Variants in PCDHGA12 observed in about 807,000 individuals in gnomAD.
PCDHGA12 encodes the protein protocadherin gamma-A12.
PCDHGA12 carries 43 observed loss-of-function variants against 61.1 expected under a neutral mutation model. The observed-to-expected ratio is 0.70, with a 90% CI of 0.55 to 0.91. The LOEUF (loss-of-function observed/expected upper bound fraction) is 0.91. Among genes scored for constraint, PCDHGA12 ranks in the 40% least tolerant of loss-of-function variants. The pLI is 0.00. For synonymous variants in PCDHGA12, 520 were observed against 542.9 expected, an observed-to-expected ratio of 0.96 and a Z score of 0.59; for missense variants, 1,236 against 1,227.7, an observed-to-expected ratio of 1.01 and a Z score of -0.10.
chr5:141,463,142 C>T (rs1229364880), intron 1 of PCDHGA12, among the ~76,000 whole-genome samples: 1 of 152,160 alleles, frequency 6.6e-6, no homozygotes, highest in Non-Finnish European at 1.5e-5. Context: ...CTTCGCCCAG[C>T]TGCAGAAAAG....
Position 141,491,900 on chromosome 5 carries a change from G to A in PCDHGA12, c.2425-2907G>A, listed in dbSNP as rs1268804496. 7.0e-7 allele frequency: 1 copy of A among 1,429,818 alleles called. No individual in the cohort carries two copies. Among genetic ancestry groups the A allele is most frequent in the East Asian group, 2.5e-5 (1 of 39,444 alleles). The allele number at this position is 1,429,818 out of a possible 1,614,324, so 88.6% of individuals were successfully genotyped here. A position where few individuals can be genotyped will look rare whatever the true frequency, so the allele number is the denominator to read the frequency against. ...TAAGGGATGGGGCTCCGAGCACCGGGGGTGGTGGCGACTGTGGGCGAGGGG... is the reference window on the plus strand; with the variant it reads ...TAAGGGATGGGGCTCCGAGCACCGGAGGTGGTGGCGACTGTGGGCGAGGGG... On this transcript the variant is annotated intron_variant, in intron 1 of 3. Coordinates refer to ENST00000252085, the MANE Select transcript of PCDHGA12 (RefSeq NM_003735.3). This position sits in a 1 kb window ranked among gnomAD's most constrained non-coding sequence, Gnocchi z 6.9.
chr5:141,497,217 G>A (rs1046945884), intron 2 of PCDHGA12, among the ~76,000 whole-genome samples: 1 of 152,066 alleles, frequency 6.6e-6, no homozygotes, highest in African/African-American at 2.4e-5. Flanking sequence ...AATGGGGGGG[G>A]GAAGATCAGA....
intron 1 of PCDHGA12, among the ~76,000 whole-genome samples, chr5:141,445,787 T>C (rs2098477657): frequency 1.3e-5 from 2 of 152,182 alleles, no homozygotes; most frequent in South Asian, 4.1e-4. Context: ...CTAGGGAGGC[T>C]AGAAACAGAA....
chr5:141,434,621 G>A (rs980508411), intron 1 of PCDHGA12, among the ~76,000 whole-genome samples: 1 of 151,966 alleles, frequency 6.6e-6, no homozygotes, highest in Non-Finnish European at 1.5e-5. Flanking sequence ...CCATCTCTTC[G>A]TTTCCCATAA....
intron 1 of PCDHGA12, among the ~76,000 whole-genome samples, chr5:141,492,782 C>T (rs2099743868): frequency 6.6e-6 from 1 of 152,258 alleles, no homozygotes; most frequent in Non-Finnish European, 1.5e-5. Context: ...GAGTGAGCCT[C>T]TATAGGACAG....
intron 1 of PCDHGA12, among the ~76,000 whole-genome samples, chr5:141,480,386 A>G (rs966068994): frequency 6.6e-6 from 1 of 151,826 alleles, no homozygotes; most frequent in Non-Finnish European, 1.5e-5. Context: ...CTACACTTCA[A>G]CCATGGCAAT....
chr5:141,452,584 T>C (rs992607928), intron 1 of PCDHGA12, among the ~76,000 whole-genome samples: 1 of 152,182 alleles, frequency 6.6e-6, no homozygotes, highest in Non-Finnish European at 1.5e-5. Context: ...TTTCCATCTT[T>C]GTATTTTTAT....
intron 1 of PCDHGA12, among the ~76,000 whole-genome samples, chr5:141,460,979 GTGTGTATATA>G (rs143444831): frequency 0.04 from 5,417 of 134,264 alleles, 125 homozygotes; most frequent in South Asian, 0.082. Context: ...GTGTGTGTGT[GTGTGTATATA>G]TATATATGTG....
Position 141,491,302 on chromosome 5 carries a change from T to TC in PCDHGA12, c.2425-3504dup. The TC allele has an allele frequency of 6.2e-7, 1 of 1,614,126 alleles. No individual in the cohort carries two copies. Among genetic ancestry groups the TC allele is most frequent in the Non-Finnish European group, 8.5e-7 (1 of 1,180,000 alleles). On this transcript the variant is annotated intron_variant, in intron 1 of 3. Transcript: ENST00000252085. The surrounding 1 kb of genome is among the most constrained non-coding windows in gnomAD (Gnocchi z 6.9). ...CTTCCTCATACACCCTCCTGAGCGT[T>TC]CAGACCTTACCCTTTACCTCATTGT... is the stretch of plus-strand genomic sequence containing the variant.
At chr5:141,460,087 A>T (rs2098981724) in intron 1 of PCDHGA12, among the ~76,000 whole-genome samples, 1 of 152,008 alleles carries the variant, frequency 6.6e-6, no homozygotes, top group African/African-American at 2.4e-5. Flanking sequence ...AAAAAATAAT[A>T]ATTATACATG....
In PCDHGA12 at chr5:141,460,999, G is replaced by GTA. The variant is rs1350972422; in HGVS notation, c.2424+27827_2424+27828dup. Reference sequence around the variant, plus strand: ...TGTGTGTGTGTATATATATATATGTGTATATATATATACCACATTTTCTTT... The same window carrying GTA: ...TGTGTGTGTGTATATATATATATGTGTATATATATATATACCACATTTTCTTT... On this transcript the variant is annotated intron_variant, in intron 1 of 3. Coordinates refer to ENST00000252085, the MANE Select transcript of PCDHGA12 (RefSeq NM_003735.3). Among the ~76,000 whole-genome samples, 54 of 149,566 alleles carry GTA rather than the reference G, an allele frequency of 3.6e-4. No homozygotes were observed. The South Asian group carries it at 4.2e-3, about 12-fold the overall frequency.
At chr5:141,456,971 A>G (rs1031714073) in intron 1 of PCDHGA12, among the ~76,000 whole-genome samples, 1 of 147,384 alleles carries the variant, frequency 6.8e-6, no homozygotes, top group Non-Finnish European at 1.5e-5. Context: ...TCAAAACAAA[A>G]CAAACAAACA....
At position 141,432,552 on chromosome 5, in the gene PCDHGA12, C is replaced by G. The variant is rs1181931321; in HGVS notation, c.1793C>G (p.Ser598Cys). ...AAGGTGGTGGCGGTGGACAGAGACT[C>G]CGGCCAGAACGCCTGGCTGTCCTAC... The part of the protein sequence containing the change: ...VTKVVAVDRD[S>C]GQNAWLSYRL... Residue 598 changes from serine to cysteine, a missense_variant, in exon 1 of 4, where the codon TCC (serine) becomes TGC (cysteine). Ser to Cys is a moderately radical substitution (Grantham distance 112, BLOSUM62 -1). Coordinates refer to ENST00000252085, the MANE Select transcript of PCDHGA12 (RefSeq NM_003735.3). The surrounding 1 kb of genome is among the most constrained non-coding windows in gnomAD (Gnocchi z 6.0). The G allele has an allele frequency of 6.2e-7, 1 of 1,613,970 alleles. No homozygotes were observed. The highest frequency in any genetic ancestry group is 1.1e-5 in the South Asian group (1 of 91,064).
chr5:141,487,671 G>A lies in PCDHGA12; in HGVS notation c.2425-7136G>A. The A allele has an allele frequency of 6.2e-7, 1 of 1,612,012 alleles. No homozygotes were observed. The highest frequency in any genetic ancestry group is 8.5e-7 in the Non-Finnish European group (1 of 1,178,932). ...GAGGGTTATTCTGATCCAGGCATAT[G>A]GCTAGGCCATGTCCTAGAGAGTACT... On this transcript the variant is annotated intron_variant, in intron 1 of 3. Transcript: ENST00000252085. This position sits in a 1 kb window ranked among gnomAD's most constrained non-coding sequence, Gnocchi z 5.0.
intron 1 of PCDHGA12, among the ~76,000 whole-genome samples, chr5:141,452,529 G>A (rs758947494): frequency 1.3e-5 from 2 of 152,176 alleles, no homozygotes; most frequent in Non-Finnish European, 2.9e-5. Context: ...AAAATCGTGA[G>A]TTCATATTGA....
intron 2 of PCDHGA12, among the ~76,000 whole-genome samples, chr5:141,500,788 A>T (rs1379810633): frequency 2.6e-5 from 4 of 152,198 alleles, no homozygotes; most frequent in Admixed American, 6.5e-5. Context: ...ATATTATTTT[A>T]CAGAATAAGT....
At chr5:141,502,309 T>G (rs1395136136) in intron 2 of PCDHGA12, among the ~76,000 whole-genome samples, 2 of 152,196 alleles carry the variant, frequency 1.3e-5, no homozygotes, top group Admixed American at 6.5e-5. Flanking sequence ...TTTCCTCTCC[T>G]TTAATCTGGA....
chr5:141,490,984 T>TCTG lies in PCDHGA12; in HGVS notation c.2425-3820_2425-3818dup. On this transcript the variant is annotated intron_variant, in intron 1 of 3. Transcript: ENST00000252085. The surrounding 1 kb of genome is among the most constrained non-coding windows in gnomAD (Gnocchi z 5.4). ...CTCAGCCCCCCAGCGTCTCCCTCGCTCTGCTCCTCCTGGCTCCTTGGTCAC... is the reference window on the plus strand; with the variant it reads ...CTCAGCCCCCCAGCGTCTCCCTCGCTCTGCTGCTCCTCCTGGCTCCTTGGTCAC... The TCTG allele has an allele frequency of 1.2e-6, 2 of 1,614,110 alleles. No homozygotes were observed. Among genetic ancestry groups the TCTG allele is most frequent in the Non-Finnish European group, 1.7e-6 (2 of 1,180,028 alleles).
In PCDHGA12 at chr5:141,433,198, A is replaced by G. The variant is rs373769649; in HGVS notation, c.2424+15A>G. 11 of 1,581,706 alleles carry G rather than the reference A, an allele frequency of 7.0e-6. No individual in the cohort carries two copies. The African/African-American group carries it at 1.1e-4, about 16-fold the overall frequency. On this transcript the variant is annotated intron_variant, in intron 1 of 3. Coordinates refer to ENST00000252085, the MANE Select transcript of PCDHGA12 (RefSeq NM_003735.3). ...GGTTAATTGAGGTGAGTTTATATCA[A>G]ATCTTCTTTCTTTTTTTTTTTTAAT...
Sources: gnomAD v4.1 joint callset for allele counts (sites outside exome capture counted in the v4.1 genomes callset) on GRCh38, gnomAD v4.1.1 for gene constraint, Gnocchi (gnomAD v3.1) non-coding constraint, MANE v1.5 for transcripts, NCBI Gene and HGNC (gene_info 2026-07-23, HGNC 2026-07-21) for gene names.